ZC3H13: variants seen among roughly 807,000 people sequenced by gnomAD.
ZC3H13 encodes the protein zinc finger CCCH domain-containing protein 13.
ZC3H13 carries 64 observed loss-of-function variants against 204.1 expected under a neutral mutation model. The observed-to-expected ratio is 0.31, with a 90% confidence interval of 0.26 to 0.39. The LOEUF (loss-of-function observed/expected upper bound fraction) is 0.39. ZC3H13 is among the 10% of genes least tolerant of loss of function. The pLI is 1.00. For synonymous variants in ZC3H13, 667 were observed against 693.7 expected (o/e 0.96, Z 0.60); for missense variants, 1,833 against 2,082.7 (o/e 0.88, Z 2.33).
intron 12 of ZC3H13, among the ~76,000 whole-genome samples, chr13:45,972,178 G>GA (rs948418715): frequency 1.3e-3 from 186 of 142,996 alleles, no homozygotes; most frequent in African/African-American, 1.8e-3. Context: ...GTCATTATAT[G>GA]AAAAAAAAAA....
intron 5 of ZC3H13, among the ~76,000 whole-genome samples, chr13:46,016,426 T>C (rs1290300190): frequency 1.3e-5 from 2 of 152,118 alleles, no homozygotes; most frequent in Admixed American, 1.3e-4. Flanking sequence ...GAATGATATG[T>C]GAAATAAAGT....
chr13:45,965,452 T>G lies in ZC3H13; in HGVS notation c.4322-20A>C. On this transcript the variant is annotated intron_variant, in intron 15 of 18. Coordinates refer to ENST00000679008, the MANE Select transcript of ZC3H13 (RefSeq NM_001330564.2). The stretch of plus-strand genomic sequence containing the variant: ...CTCCTGCTAAATAGACAAATTAATT[T>G]CAGATCAAAGACAACATTAAAGGGA... The G allele has an allele frequency of 6.2e-7, 1 of 1,609,918 alleles. No individual in the cohort carries two copies. Among genetic ancestry groups the G allele is most frequent in the Non-Finnish European group, 8.5e-7 (1 of 1,177,990 alleles).
At chr13:45,985,212 A>C in intron 10 of ZC3H13, 85 bp downstream of exon 10, 1 of 1,299,990 alleles carries the variant, frequency 7.7e-7, no homozygotes, top group South Asian at 1.6e-5. Context: ...ATGATAACAA[A>C]TGTAAGAAAC....
chr13:45,997,114 A>G (rs568784829), intron 8 of ZC3H13, among the ~76,000 whole-genome samples: 1 of 152,380 alleles, frequency 6.6e-6, no homozygotes, highest in Non-Finnish European at 1.5e-5. Context: ...TGCGTAAATG[A>G]GTAGTACTCA....
At chr13:46,023,913 C>T (rs2042375366) in intron 4 of ZC3H13, among the ~76,000 whole-genome samples, 1 of 152,142 alleles carries the variant, frequency 6.6e-6, no homozygotes, top group South Asian at 2.1e-4. Flanking sequence ...ATAAGAATTC[C>T]TTCCTTCAGA....
intron 8 of ZC3H13, chr13:46,001,409 G>A (rs1348582346): frequency 6.6e-6 from 1 of 152,170 alleles, no homozygotes; most frequent in African/African-American, 2.4e-5. Flanking sequence ...AGTGCGTGCA[G>A]ATCAGGTATT....
At chr13:45,999,413 A>G (rs1392197840) in intron 8 of ZC3H13, among the ~76,000 whole-genome samples, 2 of 152,218 alleles carry the variant, frequency 1.3e-5, no homozygotes, top group Non-Finnish European at 2.9e-5. Flanking sequence ...TGTCATTTAA[A>G]AAAATGTTTC....
chr13:46,036,869 C>A (rs2043241762), intron 4 of ZC3H13, among the ~76,000 whole-genome samples: 1 of 152,070 alleles, frequency 6.6e-6, no homozygotes, highest in African/African-American at 2.4e-5. Flanking sequence ...TAGGCATGAG[C>A]CACCACACCT....
rs539776752 is a variant in ZC3H13 at position 46,045,293 on chromosome 13, C to G, written c.117+98G>C. 7.0e-5 allele frequency: 80 copies of G among 1,140,084 alleles called. No individual in the cohort carries two copies. In the South Asian group the frequency reaches 1.1e-3, roughly 15 times the overall value. The allele number at this position is 1,140,084 out of a possible 1,614,324, so 70.6% of individuals were successfully genotyped here. On this transcript the variant is annotated intron_variant, in intron 2 of 18. Coordinates refer to ENST00000679008, the MANE Select transcript of ZC3H13 (RefSeq NM_001330564.2). ...TTAAAAAATTTACTGAACAAACATT[C>G]CTACAATAAAACAACCTGTTCACCT... is the stretch of plus-strand genomic sequence containing the variant.
At chr13:45,959,091 T>C (rs986465942) in intron 18 of ZC3H13, among the ~76,000 whole-genome samples, 1 of 152,202 alleles carries the variant, frequency 6.6e-6, no homozygotes, top group African/African-American at 2.4e-5. Flanking sequence ...CAAATGCTTA[T>C]ATAGAGTCGC....
chr13:46,023,406 C>T (rs1218421974), intron 4 of ZC3H13, among the ~76,000 whole-genome samples: 6 of 152,136 alleles, frequency 3.9e-5, no homozygotes, highest in African/African-American at 1.4e-4. Flanking sequence ...TAGTTCTAAC[C>T]TCTGGAATTA....
intron 5 of ZC3H13, among the ~76,000 whole-genome samples, chr13:46,018,838 TG>T: frequency 6.6e-6 from 1 of 152,166 alleles, no homozygotes; most frequent in East Asian, 1.9e-4. Flanking sequence ...CATTTTAAAA[TG>T]TTTTTTATGC....
At position 45,959,614 on chromosome 13, in the gene ZC3H13, C is replaced by A. The variant is rs1307513160; in HGVS notation, c.4708G>T (p.Ala1570Ser). ...ADNLFEHELG[A>S]LNMAALLRKE... ...CGTAGTAATGCAGCCATATTGAGAG[C>A]CCCCAATTCATGTTCAAAGAGATTG... is the stretch of plus-strand genomic sequence containing the variant. Residue 1570 changes from alanine to serine, a missense_variant, in exon 18 of 19, where the codon GCT (alanine) becomes TCT (serine). This residue lies in a region of ZC3H13 where 211 missense variants were observed against 228.4 expected (regional missense o/e 0.92). Transcript: ENST00000679008. The A allele has an allele frequency of 6.5e-6, 10 of 1,539,654 alleles. No homozygotes were observed. The highest frequency in any genetic ancestry group is 1.4e-5 in the African/African-American group (1 of 72,362).
chr13:45,954,606 A>G lies in ZC3H13; in HGVS notation c.*2521T>C, dbSNP rs1951190351. On this transcript the variant is annotated 3_prime_UTR_variant, in exon 19 of 19. Transcript: ENST00000679008. Reference sequence around the variant, plus strand: ...AAAATCAGTAAAAGGGAATATCCTTAAAAGTGGGAGGGGTTCATATAACCT... The same window carrying G: ...AAAATCAGTAAAAGGGAATATCCTTGAAAGTGGGAGGGGTTCATATAACCT... The G allele has an allele frequency of 6.6e-6, 1 of 152,222 alleles. No homozygotes were observed. Among genetic ancestry groups the G allele is most frequent in the Non-Finnish European group, 1.5e-5 (1 of 68,028 alleles). 9.4% of individuals were successfully genotyped at this position (152,222 alleles called of 1,614,324 possible).
In ZC3H13 at chr13:46,023,305, C is replaced by T. The variant is rs560694643; in HGVS notation, c.340-2748G>A. 4.6e-5 allele frequency among the ~76,000 whole-genome samples: 7 copies of T among 152,262 alleles called. No homozygotes were observed. The South Asian group carries it at 1.4e-3, about 32-fold the overall frequency. On this transcript the variant is annotated intron_variant, in intron 4 of 18. Coordinates refer to ENST00000679008, the MANE Select transcript of ZC3H13 (RefSeq NM_001330564.2). ...CCTTTCTTCCCATTTCCAGACAGTT[C>T]TAATTATTAGAAAATTATTTCTTAT...
In ZC3H13 at chr13:45,965,283, G is replaced by T. The variant is rs569864512; in HGVS notation, c.4471C>A (p.Pro1491Thr). ...REDQQDEEKM[P>T]DPLDVIDVDW... ...AACCACCTCTGCAAATAGTTACCTG[G>T]CATCTTCTCCTCATCCTGTTGGTCC... Residue 1491 changes from proline (P) to threonine (T), a missense_variant, in exon 16 of 19, where the codon CCA becomes ACA. Physicochemically the swap from Pro to Thr is conservative, Grantham distance 38. Transcript: ENST00000679008. 3.1e-6 allele frequency: 5 copies of T among 1,612,372 alleles called. No individual in the cohort carries two copies. The highest frequency in any genetic ancestry group is 2.2e-5 in the East Asian group (1 of 44,756).
At chr13:45,996,294 T>A (rs1283188721) in intron 8 of ZC3H13, among the ~76,000 whole-genome samples, 1 of 152,226 alleles carries the variant, frequency 6.6e-6, no homozygotes, top group Non-Finnish European at 1.5e-5. Context: ...TTAGGAATAT[T>A]GACACAGAGT....
chr13:45,960,059 C>T (rs765620764), intron 17 of ZC3H13, among the ~76,000 whole-genome samples: 1 of 152,148 alleles, frequency 6.6e-6, no homozygotes, highest in Non-Finnish European at 1.5e-5. Context: ...TCAAGCGATT[C>T]TCCTGCCTCA....
At position 46,011,600 on chromosome 13, in the gene ZC3H13, T is replaced by A. The variant is rs773027393; in HGVS notation, c.449-46A>T. 1.0e-5 allele frequency: 15 copies of A among 1,455,188 alleles called. No homozygotes were observed. In the East Asian group the frequency reaches 3.6e-4, roughly 35 times the overall value. The allele number at this position is 1,455,188 out of a possible 1,614,324, so 90.1% of individuals were successfully genotyped here. On this transcript the variant is annotated intron_variant, in intron 5 of 18. Transcript: ENST00000679008. Reference sequence around the variant, plus strand: ...ACTGTTAGAAACTAGCATAATTATCTATGCCAAAAATCATACAGACTTTTT... The same window carrying A: ...ACTGTTAGAAACTAGCATAATTATCAATGCCAAAAATCATACAGACTTTTT...
Sources: gnomAD v4.1 joint callset for allele counts (sites outside exome capture counted in the v4.1 genomes callset) on GRCh38, gnomAD v4.1.1 for gene constraint, gnomAD v4.1.1 regional missense constraint, MANE v1.5 for transcripts, NCBI Gene and HGNC (gene_info 2026-07-23, HGNC 2026-07-21) for gene names.